The following GLRA2 variants were observed in gnomAD, a reference collection of about 807,000 sequenced individuals.
GLRA2 encodes the protein glycine receptor subunit alpha-2.
Under a neutral mutation model 31.6 loss-of-function variants are expected in GLRA2, and 11 were observed. The ratio of observed to expected loss-of-function variants is 0.35; its 90% CI spans 0.22 to 0.58. The LOEUF (loss-of-function observed/expected upper bound fraction) is 0.58, where lower values mean the gene tolerates loss of function less well. GLRA2 is among the 20% of genes least tolerant of loss of function. The pLI is 0.84. For synonymous variants in GLRA2, 132 were observed against 134.0 expected (o/e 0.99, Z 0.10); for missense variants, 212 against 351.8 (o/e 0.60, Z 3.18).
intron 8 of GLRA2, among the ~76,000 whole-genome samples, chrX:14,720,407 T>C (rs2091850043): frequency 8.9e-6 from 1 of 111,967 alleles, no homozygotes; most frequent in Non-Finnish European, 1.9e-5. Context: ...GTTAAGCATT[T>C]TGGATACAGT....
chrX:14,674,581 TTG>T (rs1221018598), intron 7 of GLRA2, among the ~76,000 whole-genome samples: 1 of 112,013 alleles, frequency 8.9e-6, no homozygotes, highest in African/African-American at 3.2e-5. Flanking sequence ...GGCCCCTACT[TTG>T]ATATGAAGAA....
intron 7 of GLRA2, among the ~76,000 whole-genome samples, chrX:14,617,912 A>C (rs1033492483): frequency 2.7e-5 from 3 of 112,274 alleles, no homozygotes; most frequent in African/African-American, 3.2e-5. Flanking sequence ...AAGAAGGGAC[A>C]TGAGGAAGCA....
chrX:14,589,455 C>A (rs1333051054), intron 4 of GLRA2, among the ~76,000 whole-genome samples: 1 of 100,466 alleles, frequency 1.0e-5, no homozygotes, highest in African/African-American at 3.7e-5. Context: ...GTCAGGAGAT[C>A]GAGACCATCC....
chrX:14,713,382 A>G (rs1372752264), intron 8 of GLRA2, among the ~76,000 whole-genome samples: 1 of 112,141 alleles, frequency 8.9e-6, no homozygotes, highest in Non-Finnish European at 1.9e-5. Flanking sequence ...CACTCTAGCT[A>G]GAGCAGAATT....
chrX:14,655,132 AAATAAT>A (rs748528698), intron 7 of GLRA2, among the ~76,000 whole-genome samples: 11 of 111,562 alleles, frequency 9.9e-5, no homozygotes, highest in African/African-American at 2.9e-4. Flanking sequence ...TTGGATTAGA[AAATAAT>A]AATAATAAGC....
the GLRA2 span, among the ~76,000 whole-genome samples, chrX:14,514,452 C>CA: frequency 9.1e-6 from 1 of 110,298 alleles, no homozygotes; most frequent in Non-Finnish European, 1.9e-5. Context: ...ATTAAAGGCA[C>CA]AAAAAAGAAA....
the GLRA2 span, among the ~76,000 whole-genome samples, chrX:14,453,493 A>T: frequency 8.9e-6 from 1 of 111,815 alleles, no homozygotes. Flanking sequence ...TTCAACATCT[A>T]TTATAATAGA....
intron 4 of GLRA2, among the ~76,000 whole-genome samples, chrX:14,586,274 C>G (rs2090079663): frequency 8.9e-6 from 1 of 111,980 alleles, no homozygotes; most frequent in African/African-American, 3.2e-5. Flanking sequence ...AAGGAAAGGC[C>G]TTATCTCAGT....
At chrX:14,597,817 G>C (rs1033025611) in intron 4 of GLRA2, among the ~76,000 whole-genome samples, 1 of 111,702 alleles carries the variant, frequency 9.0e-6, no homozygotes, top group Non-Finnish European at 1.9e-5. Flanking sequence ...TTGCTTAGTG[G>C]TTTTATGACT....
At chrX:14,549,318 C>T (rs1235071234) in intron 2 of GLRA2, among the ~76,000 whole-genome samples, 3 of 111,311 alleles carry the variant, frequency 2.7e-5, no homozygotes, top group African/African-American at 9.8e-5. Flanking sequence ...TAGTTAAGGC[C>T]AGAATGTAAA....
rs750303841 is a variant in GLRA2 at position 14,530,969 on chromosome X, C to T, written c.68+844C>T. On this transcript the variant is annotated intron_variant, in intron 1 of 8. Transcript: ENST00000218075. ...CATTAAATTTTATGGCATTTTTTCA[C>T]AGAACCAAGATAAATGGAACACATA... The T allele has an allele frequency of 2.3e-4, 196 of 854,608 alleles. 1 individual carries two copies. In the African/African-American group the frequency reaches 4.1e-3, roughly 18 times the overall value. 70.4% of individuals were successfully genotyped at this position (854,608 alleles called of 1,213,427 possible). A position where few individuals can be genotyped will look rare whatever the true frequency, so the allele number is the denominator to read the frequency against.
the GLRA2 span, among the ~76,000 whole-genome samples, chrX:14,495,707 C>A: frequency 9.2e-6 from 1 of 108,259 alleles, no homozygotes; most frequent in Admixed American, 1.0e-4. Context: ...ATATATATAT[C>A]CTTATTTAAT....
chrX:14,658,657 G>A (rs1004034618), intron 7 of GLRA2, among the ~76,000 whole-genome samples: 1 of 110,529 alleles, frequency 9.0e-6, no homozygotes, highest in Non-Finnish European at 1.9e-5. Context: ...ATCCTTTCTA[G>A]TGTAAATAAA....
chrX:14,480,773 A>C, the GLRA2 span, among the ~76,000 whole-genome samples: 1 of 111,733 alleles, frequency 8.9e-6, no homozygotes, highest in Non-Finnish European at 1.9e-5. Context: ...CTTATAATAT[A>C]GTTTGAAGTA....
intron 7 of GLRA2, among the ~76,000 whole-genome samples, chrX:14,678,709 G>C (rs12838969): frequency 0.06 from 6,738 of 111,565 alleles, 227 homozygotes; most frequent in Admixed American, 0.12. Flanking sequence ...AGGGCTGAGG[G>C]AATAATTTGA....
the GLRA2 span, among the ~76,000 whole-genome samples, chrX:14,448,832 G>A: frequency 1.8e-5 from 2 of 110,371 alleles, no homozygotes; most frequent in African/African-American, 3.3e-5. Context: ...CAGCTCACTC[G>A]TGCCTAGAGA....
At chrX:14,631,829 GGAGA>G (rs2090650075) in intron 7 of GLRA2, among the ~76,000 whole-genome samples, 1 of 64,163 alleles carries the variant, frequency 1.6e-5, no homozygotes, top group Non-Finnish European at 3.1e-5. Flanking sequence ...ATAGACAGAG[GGAGA>G]GAGTGTATGT....
At chrX:14,681,212 G>C (rs1439998596) in intron 7 of GLRA2, among the ~76,000 whole-genome samples, 2 of 112,223 alleles carry the variant, frequency 1.8e-5, no homozygotes, top group Non-Finnish European at 3.8e-5. Context: ...GGCGAGCTAA[G>C]AGAATAAAAA....
At chrX:14,662,473 G>A (rs764319163) in intron 7 of GLRA2, among the ~76,000 whole-genome samples, 6 of 111,991 alleles carry the variant, frequency 5.4e-5, no homozygotes, top group Non-Finnish European at 1.1e-4. Context: ...AATTTCAGAT[G>A]TGAATGATGA....
Sources: allele counts gnomAD v4.1 joint callset (sites outside exome capture counted in the v4.1 genomes callset), GRCh38; gene constraint gnomAD v4.1.1; transcripts MANE v1.5; gene names NCBI Gene and HGNC (gene_info 2026-07-23, HGNC 2026-07-21).